Variants in GSAP observed in about 807,000 individuals in gnomAD.
GSAP encodes the protein gamma-secretase activating protein.
A neutral mutation model predicts 131.7 loss-of-function variants in GSAP; 118 were observed. The ratio of observed to expected loss-of-function variants is 0.90; its 90% CI spans 0.77 to 1.04. The LOEUF (loss-of-function observed/expected upper bound fraction) is 1.04, where lower values mean the gene tolerates loss of function less well. Ranked by LOEUF, GSAP falls within the 50% of genes least tolerant of loss-of-function variation. The probability of loss-of-function intolerance (pLI) is 0.00; values close to 1 mark genes in which losing one functional copy is unlikely to be tolerated. For missense variants in GSAP, 1,019 were observed against 1,013.2 expected, an observed-to-expected ratio of 1.01 and a Z score of -0.08; for synonymous variants, 381 against 363.4, an observed-to-expected ratio of 1.05 and a Z score of -0.55.
intron 20 of GSAP, 157 bp from the exon 21 acceptor site, chr7:77,329,548 ATATTT>A (rs1788779213): frequency 4.8e-6 from 2 of 419,498 alleles, no homozygotes; most frequent in Non-Finnish European, 8.6e-6. Flanking sequence ...GTTTTAAGAA[ATATTT>A]TATTCTGAAA....
chr7:77,359,600 AC>A (rs1329790162), intron 14 of GSAP, among the ~76,000 whole-genome samples: 1 of 152,214 alleles, frequency 6.6e-6, no homozygotes, highest in African/African-American at 2.4e-5. Context: ...GCAGTTTTAA[AC>A]TGGGCTATGA....
chr7:77,415,233 T>C (rs775899690), intron 1 of GSAP, among the ~76,000 whole-genome samples: 2 of 152,224 alleles, frequency 1.3e-5, no homozygotes, highest in Non-Finnish European at 2.9e-5. Context: ...AGCAACTTGA[T>C]ATATAACTCA....
intron 1 of GSAP, among the ~76,000 whole-genome samples, chr7:77,409,691 T>C (rs1802929639): frequency 6.6e-6 from 1 of 152,162 alleles, no homozygotes; most frequent in Non-Finnish European, 1.5e-5. Context: ...TCTTTCAAGA[T>C]TATAAGTATG....
chr7:77,359,757 A>T (rs980844909), intron 14 of GSAP, among the ~76,000 whole-genome samples: 4 of 152,164 alleles, frequency 2.6e-5, no homozygotes, highest in African/African-American at 9.7e-5. Context: ...TCCCAGGGGT[A>T]AAAAAAGGAA....
chr7:77,348,078 A>G (rs1238317163), intron 19 of GSAP, among the ~76,000 whole-genome samples: 1 of 152,028 alleles, frequency 6.6e-6, no homozygotes, highest in Non-Finnish European at 1.5e-5. Flanking sequence ...CTGAGACGGG[A>G]GGATTGCTTG....
chr7:77,352,563 G>A (rs972369219), intron 18 of GSAP, among the ~76,000 whole-genome samples: 2 of 152,154 alleles, frequency 1.3e-5, no homozygotes, highest in African/African-American at 2.4e-5. Flanking sequence ...AAAAGGGGTC[G>A]TGAAGGTCCT....
chr7:77,374,261 A>G, intron 11 of GSAP, 106 bp from the exon 12 acceptor site: 1 of 580,016 alleles, frequency 1.7e-6, no homozygotes, highest in East Asian at 3.0e-5. Flanking sequence ...GTAGAAACAC[A>G]TTCCTGAGAA....
intron 26 of GSAP, among the ~76,000 whole-genome samples, chr7:77,317,665 A>G (rs1787042060): frequency 6.6e-6 from 1 of 152,200 alleles, no homozygotes; most frequent in Non-Finnish European, 1.5e-5. Context: ...GTTGGGTAGA[A>G]AGTGGATTTT....
At chr7:77,365,112 G>A (rs182410704) in intron 12 of GSAP, among the ~76,000 whole-genome samples, 1 of 152,134 alleles carries the variant, frequency 6.6e-6, no homozygotes, top group East Asian at 1.9e-4. Flanking sequence ...ATGTGTGCCT[G>A]GCTAATTATT....
In GSAP at chr7:77,338,606, G is replaced by A. The variant is rs888452055; in HGVS notation, c.1546-8239C>T. Reference sequence around the variant, plus strand: ...GTGTCTGATGAGGGCCCACTTCCTAGACTGCCATGTGTTCGCTGTAACCTC... The same window carrying A: ...GTGTCTGATGAGGGCCCACTTCCTAAACTGCCATGTGTTCGCTGTAACCTC... On this transcript the variant is annotated intron_variant, in intron 19 of 30. Transcript: ENST00000257626. Among the ~76,000 whole-genome samples the A allele has an allele frequency of 3.3e-5, 5 of 152,266 alleles. No individual in the cohort carries two copies. The South Asian group carries it at 1.0e-3, about 32-fold the overall frequency.
intron 1 of GSAP, among the ~76,000 whole-genome samples, chr7:77,407,186 T>C (rs1200380936): frequency 1.3e-5 from 2 of 152,254 alleles, no homozygotes; most frequent in Non-Finnish European, 2.9e-5. Context: ...AAGTTTTTAA[T>C]ATAGGAGCTG....
At chr7:77,404,721 T>C in intron 2 of GSAP, 106 bp from the exon 3 acceptor site, 1 of 686,106 alleles carries the variant, frequency 1.5e-6, no homozygotes. Flanking sequence ...CAGTAAGCAC[T>C]CTAAAAGAAG....
At chr7:77,403,520 T>TTC (rs1759949026) in intron 3 of GSAP, among the ~76,000 whole-genome samples, 2 of 152,172 alleles carry the variant, frequency 1.3e-5, no homozygotes, top group Non-Finnish European at 2.9e-5. Flanking sequence ...GCTCCCAGAA[T>TTC]TAGACAAAGC....
At chr7:77,320,612 A>G (rs973298447) in intron 26 of GSAP, 113 bp downstream of exon 26, 1 of 687,392 alleles carries the variant, frequency 1.5e-6, no homozygotes, top group Non-Finnish European at 2.5e-6. Flanking sequence ...CACCAGATAC[A>G]CAATTTCTCA....
intron 1 of GSAP, among the ~76,000 whole-genome samples, chr7:77,408,010 A>C (rs1048608045): frequency 6.6e-6 from 1 of 152,240 alleles, no homozygotes; most frequent in African/African-American, 2.4e-5. Context: ...GTATGTTTCA[A>C]TTCATACACA....
intron 14 of GSAP, among the ~76,000 whole-genome samples, chr7:77,360,539 G>T (rs1454667267): frequency 6.6e-6 from 1 of 152,156 alleles, no homozygotes; most frequent in African/African-American, 2.4e-5. Flanking sequence ...TTAACAAATA[G>T]CTTTTTAGGC....
intron 19 of GSAP, chr7:77,330,890 T>C: frequency 4.1e-6 from 4 of 970,332 alleles, no homozygotes; most frequent in African/African-American, 1.8e-5. Flanking sequence ...TTTTACATTG[T>C]CACATACACC....
intron 14 of GSAP, 35 bp from the exon 15 acceptor site, chr7:77,355,682 G>GCAGCTTTTACCACAT: frequency 2.6e-6 from 3 of 1,144,878 alleles, no homozygotes; most frequent in Non-Finnish European, 4.0e-6. Context: ...ATCTACATGT[G>GCAGCTTTTACCACAT]GTAAAAGCTG....
At chr7:77,322,021 C>CCA (rs987236700) in intron 24 of GSAP, among the ~76,000 whole-genome samples, 2 of 152,152 alleles carry the variant, frequency 1.3e-5, no homozygotes, top group Non-Finnish European at 2.9e-5. Flanking sequence ...ATCCAGAAAC[C>CCA]CATTCTAACG....
Sources: gnomAD v4.1 joint callset for allele counts (sites outside exome capture counted in the v4.1 genomes callset) on GRCh38, gnomAD v4.1.1 for gene constraint, MANE v1.5 for transcripts, NCBI Gene and HGNC (gene_info 2026-07-23, HGNC 2026-07-21) for gene names.